Variants in LRP1 observed in about 807,000 individuals in gnomAD.
LRP1 encodes prolow-density lipoprotein receptor-related protein 1.
LRP1 carries 51 observed loss-of-function variants against 541.5 expected under a neutral mutation model. The ratio of observed to expected loss-of-function variants is 0.09; its 90% CI spans 0.08 to 0.12. The LOEUF (loss-of-function observed/expected upper bound fraction) is 0.12. Ranked by LOEUF, LRP1 falls within the 10% of genes least tolerant of loss-of-function variation. The pLI is 1.00. For synonymous variants in LRP1, 2,219 were observed against 2,470.8 expected (o/e 0.90, Z 3.02); for missense variants, 3,878 against 6,376.2 (o/e 0.61, Z 13.34).
Position 57,202,443 on chromosome 12 carries a change from C to T in LRP1, c.10617C>T (p.Tyr3539=). 1 of 1,613,552 alleles carries T rather than the reference C, an allele frequency of 6.2e-7. No individual in the cohort carries two copies. Residue 3539 remains tyrosine, a synonymous_variant, in exon 68 of 89, where the codon TAC becomes TAT. Transcript: ENST00000243077. ...EECDERTCEP[Y]QFRCKNNRCV... The stretch of plus-strand genomic sequence containing the variant: ...CAGATGAACGCACCTGTGAGCCATA[C>T]CAGTTCCGCTGCAAGAACAACCGCT...
chr12:57,191,940 A>ACACACC (rs2036410487), intron 44 of LRP1, among the ~76,000 whole-genome samples: 2 of 8,158 alleles, frequency 2.5e-4, no homozygotes, highest in African/African-American at 4.7e-4. Flanking sequence ...CCACACACAC[A>ACACACC]CCACATACAC....
chr12:57,180,042 C>G lies in LRP1; in HGVS notation c.5142-5C>G, dbSNP rs1238264658. ...GACCTTTCCCTCTTGGCACCCTCCC[C>G]CCAGGAAGCTCTACTGGACCGATGG... is the stretch of plus-strand genomic sequence containing the variant. On this transcript the variant is annotated splice_polypyrimidine_tract_variant and splice_region_variant and intron_variant, in intron 30 of 88. Coordinates refer to ENST00000243077, the MANE Select transcript of LRP1 (RefSeq NM_002332.3). The G allele has an allele frequency of 1.9e-6, 3 of 1,613,756 alleles. No individual in the cohort carries two copies. Among genetic ancestry groups the G allele is most frequent in the South Asian group, 1.1e-5 (1 of 91,074 alleles).
Position 57,174,760 on chromosome 12 carries a change from A to G in LRP1, c.3548-700A>G, listed in dbSNP as rs147175019. The stretch of plus-strand genomic sequence containing the variant: ...AGCCTGGGCGACAGAGCAAGACCCC[A>G]TCCCAAACAAACAAACAGGCAAGGG... On this transcript the variant is annotated intron_variant, in intron 22 of 88. Coordinates refer to ENST00000243077, the MANE Select transcript of LRP1 (RefSeq NM_002332.3). Among the ~76,000 whole-genome samples, 315 of 152,276 alleles carry G rather than the reference A, an allele frequency of 2.1e-3. 6 individuals are homozygous for G. In the East Asian group the frequency reaches 0.053, roughly 26 times the overall value.
chr12:57,158,338 G>A lies in LRP1; in HGVS notation c.1562-64G>A, dbSNP rs2035661626. On this transcript the variant is annotated intron_variant, in intron 10 of 88. Transcript: ENST00000243077. This position sits in a 1 kb window ranked among gnomAD's most constrained non-coding sequence, Gnocchi z 5.3. ...AGGGCATTGCAGCCCCTTGGCCGCA[G>A]CCCCTGGGTGGGGATGATGGTCATG... is the stretch of plus-strand genomic sequence containing the variant. 2 of 1,361,728 alleles carry A rather than the reference G, an allele frequency of 1.5e-6. No individual in the cohort carries two copies. Among genetic ancestry groups the A allele is most frequent in the African/African-American group, 1.4e-5 (1 of 69,496 alleles). 84.4% of individuals were successfully genotyped at this position (1,361,728 alleles called of 1,614,324 possible).
Position 57,211,003 on chromosome 12 carries a change from C to T in LRP1, c.12916+124C>T. 1 of 1,420,434 alleles carries T rather than the reference C, an allele frequency of 7.0e-7. No homozygotes were observed. Among genetic ancestry groups the T allele is most frequent in the Non-Finnish European group, 9.5e-7 (1 of 1,054,948 alleles). The allele number at this position is 1,420,434 out of a possible 1,614,324, so 88.0% of individuals were successfully genotyped here. ...CAAGTTCAGGAAAGAAGGCCTTATG[C>T]AGCTGAGCCAGGCCCAAGCTGCTGG... On this transcript the variant is annotated intron_variant, in intron 83 of 88. Transcript: ENST00000243077. The surrounding 1 kb of genome is among the most constrained non-coding windows in gnomAD (Gnocchi z 4.3).
At chr12:57,136,048 G>GC (rs1565711285) in intron 1 of LRP1, among the ~76,000 whole-genome samples, 1 of 152,200 alleles carries the variant, frequency 6.6e-6, no homozygotes, top group Non-Finnish European at 1.5e-5. Flanking sequence ...TCCCATTCCA[G>GC]CCCCCCTCTT....
Position 57,145,299 on chromosome 12 carries a change from C to T in LRP1, c.650C>T (p.Ala217Val), listed in dbSNP as rs1800127. 34,687 of 1,614,124 alleles carry T rather than the reference C, an allele frequency of 0.021. 462 individuals carry two copies. The highest frequency in any genetic ancestry group is 0.024 in the Non-Finnish European group (28,801 of 1,180,012). The change falls in exon 6 of 89, where the codon GCC (alanine) becomes GTC (valine). Residue 217 changes from alanine to valine, a missense_variant. Transcript: ENST00000243077. ...ATCTTGGCCACGTACCTGAGTGGGG[C>T]CCAGGTGTCTACCATCACACCTACG... Reference protein sequence around the residue: ...QNILATYLSGAQVSTITPTST... With the variant: ...QNILATYLSGVQVSTITPTST...
At chr12:57,161,732 T>G (rs1299554888) in intron 13 of LRP1, among the ~76,000 whole-genome samples, 1 of 152,132 alleles carries the variant, frequency 6.6e-6, no homozygotes, top group African/African-American at 2.4e-5. Flanking sequence ...CCACATGGAA[T>G]GTTCACCCCA....
Position 57,189,605 on chromosome 12 carries a change from G to A in LRP1, c.7032-1200G>A, listed in dbSNP as rs1200755403. ...CAATGGTGCTGGAGACGCTGGGGGT[G>A]GGCAAGAAGGGTGTGACCTGGAGAG... On this transcript the variant is annotated intron_variant, in intron 42 of 88. Coordinates refer to ENST00000243077, the MANE Select transcript of LRP1 (RefSeq NM_002332.3). The surrounding 1 kb of genome is among the most constrained non-coding windows in gnomAD (Gnocchi z 4.4). Among the ~76,000 whole-genome samples the A allele has an allele frequency of 6.6e-6, 1 of 152,056 alleles. No homozygotes were observed. The highest frequency in any genetic ancestry group is 1.5e-5 in the Non-Finnish European group (1 of 68,008).
At position 57,154,134 on chromosome 12, in the gene LRP1, C is replaced by G; in HGVS notation, c.842-74C>G. On this transcript the variant is annotated intron_variant, in intron 6 of 88. Transcript: ENST00000243077. The surrounding 1 kb of genome is among the most constrained non-coding windows in gnomAD (Gnocchi z 4.6). ...GAAGGTGGGCTTCCAGGTGTGGGTT[C>G]TCACCAGCAAAGGGTGGGCATCTCT... 1 of 1,454,038 alleles carries G rather than the reference C, an allele frequency of 6.9e-7. No individual in the cohort carries two copies. The highest frequency in any genetic ancestry group is 1.3e-5 in the South Asian group (1 of 79,788). The allele number at this position is 1,454,038 out of a possible 1,614,324, so 90.1% of individuals were successfully genotyped here.
Position 57,179,818 on chromosome 12 carries a change from T to C in LRP1, c.5003T>C (p.Val1668Ala). The C allele has an allele frequency of 6.2e-7, 1 of 1,614,102 alleles. No homozygotes were observed. Among genetic ancestry groups the C allele is most frequent in the Non-Finnish European group, 8.5e-7 (1 of 1,180,028 alleles). ...GCCCACGGGCTGGCTGTGGACTGGG[T>C]CTCCCGAAACCTGTTCTGGACAAGC... ...PNAHGLAVDW[V>A]SRNLFWTSYD... The change falls in exon 30 of 89, where the codon GTC becomes GCC. Residue 1668 changes from valine to alanine, a missense_variant. Physicochemically the swap from Val to Ala is moderately conservative, Grantham distance 64. Transcript: ENST00000243077. The surrounding 1 kb of genome is among the most constrained non-coding windows in gnomAD (Gnocchi z 6.8).
intron 6 of LRP1, among the ~76,000 whole-genome samples, chr12:57,151,955 G>A (rs559272159): frequency 6.6e-6 from 1 of 152,202 alleles, no homozygotes; most frequent in African/African-American, 2.4e-5. Flanking sequence ...GGGGAGGCCA[G>A]GCAGGCCGAG....
At chr12:57,181,039 A>T in intron 33 of LRP1, 118 bp from the exon 34 acceptor site, 1 of 1,329,168 alleles carries the variant, frequency 7.5e-7, no homozygotes, top group Non-Finnish European at 1.0e-6. Context: ...TAGGGTGGTG[A>T]CCCCCATTAG....
chr12:57,202,639 C>T, intron 68 of LRP1, 102 bp downstream of exon 68: 1 of 924,314 alleles, frequency 1.1e-6, no homozygotes, highest in East Asian at 2.6e-5. Flanking sequence ...TGGCCACCTC[C>T]CAGGGTGGGG....
rs770795861 is a variant in LRP1 at position 57,180,669 on chromosome 12, G to C, written c.5389G>C (p.Asp1797His). 1 of 1,613,922 alleles carries C rather than the reference G, an allele frequency of 6.2e-7. No homozygotes were observed. Among genetic ancestry groups the C allele is most frequent in the Admixed American group, 1.7e-5 (1 of 60,012 alleles). ...GKATALAIMG[D>H]KLWWADQVSE... ...CTCATCCCCTCCTGCTGCCCCAGGG[G>C]ACAAGCTGTGGTGGGCTGATCAGGT... Residue 1797 changes from aspartate to histidine, a missense_variant and splice_region_variant, in exon 33 of 89, where the codon GAC (aspartate) becomes CAC (histidine). Transcript: ENST00000243077.
At position 57,211,438 on chromosome 12, in the gene LRP1, A is replaced by G. The variant is rs1240644315; in HGVS notation, c.13092-49A>G. ...CTGCCCCTCCCTTCCTCAGCATCCC[A>G]GGCACGCCTCTGCCAGCCCCAGCCC... On this transcript the variant is annotated intron_variant, in intron 84 of 88. Coordinates refer to ENST00000243077, the MANE Select transcript of LRP1 (RefSeq NM_002332.3). The surrounding 1 kb of genome is among the most constrained non-coding windows in gnomAD (Gnocchi z 4.3). 6.2e-7 allele frequency: 1 copy of G among 1,609,160 alleles called. No homozygotes were observed. Among genetic ancestry groups the G allele is most frequent in the Non-Finnish European group, 8.5e-7 (1 of 1,178,128 alleles).
chr12:57,134,049 G>A (rs2035098591), intron 1 of LRP1, among the ~76,000 whole-genome samples: 1 of 152,044 alleles, frequency 6.6e-6, no homozygotes, highest in African/African-American at 2.4e-5. Flanking sequence ...TGTTGTGTCT[G>A]GACGCACACC....
At position 57,180,815 on chromosome 12, in the gene LRP1, C is replaced by G; in HGVS notation, c.5527+8C>G. Reference sequence around the variant, plus strand: ...ACGAGAGCATCCAGCTGGGTAGGTGCGAGGCCGGGCGGCCGCTGGGGGCTC... The same window carrying G: ...ACGAGAGCATCCAGCTGGGTAGGTGGGAGGCCGGGCGGCCGCTGGGGGCTC... On this transcript the variant is annotated splice_region_variant and intron_variant, in intron 33 of 88. Coordinates refer to ENST00000243077, the MANE Select transcript of LRP1 (RefSeq NM_002332.3). 6.2e-7 allele frequency: 1 copy of G among 1,613,122 alleles called. No homozygotes were observed. Among genetic ancestry groups the G allele is most frequent in the Non-Finnish European group, 8.5e-7 (1 of 1,179,920 alleles).
intron 82 of LRP1, 42 bp downstream of exon 82, chr12:57,210,522 GC>G: frequency 6.6e-7 from 1 of 1,508,100 alleles, no homozygotes; most frequent in Non-Finnish European, 8.9e-7. Context: ...TTGCCCCTGG[GC>G]CCCAGCCCCG....
Sources: allele counts gnomAD v4.1 joint callset (sites outside exome capture counted in the v4.1 genomes callset), GRCh38; gene constraint gnomAD v4.1.1; non-coding constraint Gnocchi (gnomAD v3.1); transcripts MANE v1.5; gene names NCBI Gene and HGNC (gene_info 2026-07-23, HGNC 2026-07-21).